ACSL4: variants seen among roughly 807,000 people sequenced by gnomAD.
The protein encoded by ACSL4 is long-chain-fatty-acid--CoA ligase 4.
A neutral mutation model predicts 49.1 loss-of-function variants in ACSL4; 9 were observed. That is an observed-to-expected ratio of 0.18 (90% confidence interval 0.11 to 0.32). ACSL4 has a LOEUF of 0.32. Ranked by LOEUF, ACSL4 falls within the 10% of genes least tolerant of loss-of-function variation. The pLI is 1.00. For missense variants in ACSL4, 333 were observed against 493.7 expected, an observed-to-expected ratio of 0.67 and a Z score of 3.08; for synonymous variants, 191 against 170.3, an observed-to-expected ratio of 1.12 and a Z score of -0.95.
At chrX:109,717,003 T>G (rs983421603) in intron 1 of ACSL4, among the ~76,000 whole-genome samples, 19 of 112,174 alleles carry the variant, frequency 1.7e-4, no homozygotes, top group African/African-American at 5.8e-4. Flanking sequence ...ACCTTTAAAC[T>G]AGGCAGTAAT....
At chrX:109,714,888 T>C (rs906535709) in intron 1 of ACSL4, among the ~76,000 whole-genome samples, 1 of 112,052 alleles carries the variant, frequency 8.9e-6, no homozygotes, top group Non-Finnish European at 1.9e-5. Context: ...ACTATGTAAC[T>C]ACATGTATTA....
At chrX:109,692,059 G>C (rs1260004986) in intron 2 of ACSL4, 1 of 111,540 alleles carries the variant, frequency 9.0e-6, no homozygotes, top group Non-Finnish European at 1.9e-5. Context: ...AACTCCTGAA[G>C]TCGCCATTCT....
At chrX:109,703,500 A>C (rs1926116981) in intron 1 of ACSL4, among the ~76,000 whole-genome samples, 1 of 112,126 alleles carries the variant, frequency 8.9e-6, no homozygotes, top group African/African-American at 3.2e-5. Flanking sequence ...AAAAGAATAT[A>C]GTTTCATATT....
At chrX:109,687,367 C>A (rs1924696007) in intron 2 of ACSL4, among the ~76,000 whole-genome samples, 1 of 112,203 alleles carries the variant, frequency 8.9e-6, no homozygotes, top group African/African-American at 3.2e-5. Context: ...GCTAACAGAT[C>A]TGGGTTTAAA....
At chrX:109,661,791 T>G (rs1173476430) in intron 13 of ACSL4, 146 bp from the exon 14 acceptor site, 2 of 482,921 alleles carry the variant, frequency 4.1e-6, no homozygotes, top group Admixed American at 6.5e-5. Flanking sequence ...GTAATTGTGG[T>G]TTTTGCCATT....
chrX:109,661,179 T>C (rs1922147330), intron 14 of ACSL4, among the ~76,000 whole-genome samples: 1 of 112,110 alleles, frequency 8.9e-6, no homozygotes, highest in African/African-American at 3.2e-5. Context: ...CTTAGGCTTT[T>C]GATTTAGAAA....
intron 6 of ACSL4, among the ~76,000 whole-genome samples, chrX:109,679,953 C>CACAGAGA (rs1250663516): frequency 8.9e-6 from 1 of 111,775 alleles, no homozygotes; most frequent in Non-Finnish European, 1.9e-5. Context: ...TCATGTTCTG[C>CACAGAGA]ACATCTTGCA....
intron 1 of ACSL4, among the ~76,000 whole-genome samples, chrX:109,709,881 C>A (rs1056197971): frequency 9.0e-6 from 1 of 111,279 alleles, no homozygotes; most frequent in Non-Finnish European, 1.9e-5. Flanking sequence ...CTGCAGCAGG[C>A]GGATCACGGA....
intron 1 of ACSL4, among the ~76,000 whole-genome samples, chrX:109,701,024 T>C (rs1014170165): frequency 8.1e-5 from 9 of 111,122 alleles, no homozygotes; most frequent in African/African-American, 2.9e-4. Context: ...GCCTGGCTGA[T>C]AGAGCAAGAC....
chrX:109,715,633 TTATA>T (rs757245664), intron 1 of ACSL4, among the ~76,000 whole-genome samples: 8 of 108,767 alleles, frequency 7.4e-5, no homozygotes, highest in Non-Finnish European at 9.6e-5. Context: ...AAAAATAAAA[TTATA>T]TATATATATA....
chrX:109,666,048 G>A (rs1410703582), intron 11 of ACSL4, among the ~76,000 whole-genome samples: 1 of 112,258 alleles, frequency 8.9e-6, no homozygotes, highest in Admixed American at 9.4e-5. Context: ...TGTGATTATT[G>A]CTAGCAATAA....
intron 15 of ACSL4, among the ~76,000 whole-genome samples, chrX:109,658,318 C>G (rs938217820): frequency 2.7e-5 from 3 of 111,311 alleles, no homozygotes; most frequent in Non-Finnish European, 5.7e-5. Flanking sequence ...ACTCACCACC[C>G]CCCAGTCTAG....
intron 9 of ACSL4, among the ~76,000 whole-genome samples, chrX:109,672,079 TAAAAAAA>T (rs764711316): frequency 5.3e-5 from 2 of 37,389 alleles, no homozygotes; most frequent in Non-Finnish European, 9.2e-5. Context: ...CAATAAATAC[TAAAAAAA>T]AAAAAAAAAA....
intron 1 of ACSL4, among the ~76,000 whole-genome samples, chrX:109,720,278 C>T (rs952851461): frequency 4.7e-4 from 51 of 107,898 alleles, no homozygotes; most frequent in Non-Finnish European, 7.5e-4. Context: ...TGCAGTGAGC[C>T]GAGATCACGC....
In ACSL4 at chrX:109,644,222, G is replaced by A. The variant is rs376165575; in HGVS notation, c.1856-36C>T. On this transcript the variant is annotated intron_variant, in intron 15 of 15. Coordinates refer to ENST00000672401, the MANE Select transcript of ACSL4 (RefSeq NM_001318510.2). ...AAGTGAAAGATGGGAGAAAAGGAGA[G>A]GGGGGGAAAGAGACGAGAAAGGAGT... 5.2e-6 allele frequency: 6 copies of A among 1,162,069 alleles called. No homozygotes were observed. In the South Asian group the frequency reaches 5.6e-5, roughly 11 times the overall value.
At chrX:109,689,018 A>C (rs1924830579) in intron 2 of ACSL4, among the ~76,000 whole-genome samples, 1 of 111,282 alleles carries the variant, frequency 9.0e-6, no homozygotes. Flanking sequence ...CTTAGGTGTC[A>C]GTTAAATACC....
In ACSL4 at chrX:109,731,732, A is replaced by G. The variant is rs911002852; in HGVS notation, c.-66+1407T>C. 4.5e-5 allele frequency among the ~76,000 whole-genome samples: 5 copies of G among 111,878 alleles called. No individual in the cohort carries two copies. The South Asian group carries it at 1.8e-3, about 41-fold the overall frequency. ...AAGTATACTAACAGTTTAATGTTTC[A>G]TCCCCCACCTAAATGGCAGAGAGTG... On this transcript the variant is annotated intron_variant, in intron 1 of 15. Transcript: ENST00000672401.
Position 109,678,259 on chromosome X carries a change from T to C in ACSL4, c.806+6A>G, listed in dbSNP as rs752256668. 1 of 1,211,692 alleles carries C rather than the reference T, an allele frequency of 8.3e-7. No individual in the cohort carries two copies. Among genetic ancestry groups the C allele is most frequent in the South Asian group, 1.8e-5 (1 of 57,000 alleles). ...TTCTAAGAAGAAAGTTAAAGAATTA[T>C]CTTACCCCAGTCCAGGTATTCTTTC... On this transcript the variant is annotated splice_donor_region_variant and intron_variant, in intron 7 of 15. Transcript: ENST00000672401.
At chrX:109,692,434 C>T (rs1925109258) in intron 2 of ACSL4, among the ~76,000 whole-genome samples, 1 of 112,050 alleles carries the variant, frequency 8.9e-6, no homozygotes, top group African/African-American at 3.2e-5. Context: ...TAATCCAAAG[C>T]TTACATTTAA....
Sources: gnomAD v4.1 joint callset for allele counts (sites outside exome capture counted in the v4.1 genomes callset) on GRCh38, gnomAD v4.1.1 for gene constraint, MANE v1.5 for transcripts, NCBI Gene and HGNC (gene_info 2026-07-23, HGNC 2026-07-21) for gene names.